The following HECW1 variants were observed in gnomAD, a reference collection of about 807,000 sequenced individuals.
The protein encoded by HECW1 is E3 ubiquitin-protein ligase HECW1.
A neutral mutation model predicts 182.3 loss-of-function variants in HECW1; 61 were observed. That is an observed-to-expected ratio of 0.33 (90% confidence interval 0.27 to 0.41). The LOEUF (loss-of-function observed/expected upper bound fraction) is 0.41. Among genes scored for constraint, HECW1 ranks in the 10% least tolerant of loss-of-function variants. The pLI, the probability that HECW1 is intolerant of heterozygous loss-of-function variation, is 1.00. For missense variants in HECW1, 1,739 were observed against 2,108.9 expected (o/e 0.82, Z 3.44); for synonymous variants, 859 against 832.6 (o/e 1.03, Z -0.55).
intron 5 of HECW1, among the ~76,000 whole-genome samples, chr7:43,339,374 C>T (rs1236353480): frequency 6.6e-6 from 1 of 152,188 alleles, no homozygotes; most frequent in African/African-American, 2.4e-5. Context: ...CCTCTTTCTG[C>T]TCTACCTGAT....
intron 2 of HECW1, among the ~76,000 whole-genome samples, chr7:43,192,429 AT>A (rs1217962521): frequency 1.3e-5 from 2 of 152,212 alleles, no homozygotes; most frequent in Admixed American, 6.5e-5. Flanking sequence ...GTGCCAAATT[AT>A]TATTACTTTC....
In HECW1 at chr7:43,444,699, G is replaced by T. The variant is rs375038744; in HGVS notation, c.1527G>T (p.Glu509Asp). Reference sequence around the variant, plus strand: ...AAGAGGAGAAGGAGCAGGAGGAGGAGGGAGATGTGTCTACCCTGGAGCAGG... The same window carrying T: ...AAGAGGAGAAGGAGCAGGAGGAGGATGGAGATGTGTCTACCCTGGAGCAGG... ...REEEEKEQEE[E>D]GDVSTLEQGE... Residue 509 changes from glutamate to aspartate, a missense_variant, in exon 11 of 30, where the codon GAG (glutamate) becomes GAT (aspartate). This residue lies in a region of HECW1 where 971 missense variants were observed against 1,029.1 expected (regional missense o/e 0.94). Transcript: ENST00000395891. This position sits in a 1 kb window ranked among gnomAD's most constrained non-coding sequence, Gnocchi z 4.3. The T allele has an allele frequency of 6.2e-7, 1 of 1,609,028 alleles. No homozygotes were observed. The highest frequency in any genetic ancestry group is 1.1e-5 in the South Asian group (1 of 90,426).
intron 2 of HECW1, among the ~76,000 whole-genome samples, chr7:43,240,293 T>C (rs530222355): frequency 5.5e-4 from 84 of 152,118 alleles, no homozygotes; most frequent in Middle Eastern, 3.4e-3. Context: ...AGCCGAGATC[T>C]GGCCACTACA....
rs2079663862 is a variant in HECW1, at chr7:43,508,028, C to T, written c.3763C>T (p.Arg1255Cys). ...QGPGKIKLIIRRDHLLEGTFN... is the reference protein window; with the variant it reads ...QGPGKIKLIICRDHLLEGTFN... Reference sequence around the variant, plus strand: ...CCTTCTCCTTCTCAGGCTCATTATTCGCCGGGATCATTTGTTGGAGGGAAC... The same window carrying T: ...CCTTCTCCTTCTCAGGCTCATTATTTGCCGGGATCATTTGTTGGAGGGAAC... Residue 1255 changes from arginine to cysteine, a missense_variant, in exon 23 of 30, where the codon CGC (arginine) becomes TGC (cysteine). By Grantham distance (180) the Arg-to-Cys change is radical. Around this residue, in one of 5 missense-constraint regions of HECW1, gnomAD observed 420 missense variants for 595.7 expected, o/e 0.71. Transcript: ENST00000395891. 3 of 1,613,264 alleles carry T rather than the reference C, an allele frequency of 1.9e-6. No individual in the cohort carries two copies. Among genetic ancestry groups the T allele is most frequent in the East Asian group, 2.2e-5 (1 of 44,858 alleles).
chr7:43,268,431 G>A (rs938975533), intron 3 of HECW1, among the ~76,000 whole-genome samples: 1 of 152,168 alleles, frequency 6.6e-6, no homozygotes, highest in African/African-American at 2.4e-5. Flanking sequence ...CTCACCTGGG[G>A]GTGATTTTGT....
chr7:43,359,574 A>G (rs779553924), intron 5 of HECW1, among the ~76,000 whole-genome samples: 12 of 152,132 alleles, frequency 7.9e-5, no homozygotes, highest in Non-Finnish European at 1.6e-4. Context: ...TGCTTATTTC[A>G]TAATGTCAAT....
At chr7:43,488,320 GAAAGAGGAAGGA>G (rs1446494295) in intron 17 of HECW1, among the ~76,000 whole-genome samples, 36 of 113,572 alleles carry the variant, frequency 3.2e-4, no homozygotes, top group African/African-American at 1.2e-3. Context: ...AAAAAAGAAA[GAAAGAGGAAGGA>G]AGGAAGGAAG....
At chr7:43,336,144 TTCTCTCTCTCTCTCTCTCTCTC>T (rs768468130) in intron 5 of HECW1, among the ~76,000 whole-genome samples, 20 of 51,980 alleles carry the variant, frequency 3.8e-4, no homozygotes, top group African/African-American at 1.2e-3. Flanking sequence ...CTCTCTCTCT[TTCTCTCTCTCTCTCTCTCTCTC>T]TCTCTCTCTC....
Position 43,318,524 on chromosome 7 carries a change from G to C in HECW1, c.353-2111G>C, listed in dbSNP as rs150142770. Among the ~76,000 whole-genome samples the C allele has an allele frequency of 2.0e-5, 3 of 152,318 alleles. No individual in the cohort carries two copies. The East Asian group carries it at 5.8e-4, about 29-fold the overall frequency. Reference sequence around the variant, plus strand: ...TGCCAGAGAAGGGGCAGCCTAAAATGTGCAATCCACATAGCAGATTACAAG... The same window carrying C: ...TGCCAGAGAAGGGGCAGCCTAAAATCTGCAATCCACATAGCAGATTACAAG... On this transcript the variant is annotated intron_variant, in intron 4 of 29. Transcript: ENST00000395891.
At chr7:43,412,325 A>T (rs919863488) in intron 8 of HECW1, among the ~76,000 whole-genome samples, 12 of 152,032 alleles carry the variant, frequency 7.9e-5, no homozygotes, top group Non-Finnish European at 1.3e-4. Flanking sequence ...GATGTTAAAA[A>T]TTTTTGCTTT....
chr7:43,268,965 A>G (rs1260253483), intron 3 of HECW1, among the ~76,000 whole-genome samples: 1 of 151,948 alleles, frequency 6.6e-6, no homozygotes, highest in Admixed American at 6.6e-5. Context: ...TATTTTTTGT[A>G]GAGATGGGGT....
At chr7:43,399,694 G>C (rs2075342548) in intron 7 of HECW1, among the ~76,000 whole-genome samples, 1 of 152,166 alleles carries the variant, frequency 6.6e-6, no homozygotes, top group Non-Finnish European at 1.5e-5. Context: ...GGTTCACAAA[G>C]CTACTTTATA....
At chr7:43,213,420 A>G (rs1796163040) in intron 2 of HECW1, among the ~76,000 whole-genome samples, 1 of 150,688 alleles carries the variant, frequency 6.6e-6, no homozygotes, top group Admixed American at 6.6e-5. Flanking sequence ...TTTAACACTT[A>G]GAGCTGGTGA....
chr7:43,370,401 G>A (rs1817186502), intron 6 of HECW1, among the ~76,000 whole-genome samples: 1 of 152,168 alleles, frequency 6.6e-6, no homozygotes, highest in African/African-American at 2.4e-5. Flanking sequence ...CATTGCTGGT[G>A]GAAATGCAAA....
chr7:43,344,036 T>C (rs1349356153), intron 5 of HECW1, among the ~76,000 whole-genome samples: 3 of 151,916 alleles, frequency 2.0e-5, no homozygotes, highest in Non-Finnish European at 4.4e-5. Flanking sequence ...CGTGTGTCTG[T>C]TGGCTGCATA....
intron 2 of HECW1, among the ~76,000 whole-genome samples, chr7:43,172,156 G>T (rs1791759530): frequency 6.6e-6 from 1 of 151,340 alleles, no homozygotes; most frequent in Non-Finnish European, 1.5e-5. Context: ...CACAATGGTG[G>T]GGGTGGGGGG....
chr7:43,292,176 G>T (rs1281739768), intron 3 of HECW1, among the ~76,000 whole-genome samples: 1 of 152,184 alleles, frequency 6.6e-6, no homozygotes, highest in Non-Finnish European at 1.5e-5. Flanking sequence ...TGCCAAAGAG[G>T]CATATTTTGG....
chr7:43,201,937 G>C (rs1795049650), intron 2 of HECW1, among the ~76,000 whole-genome samples: 1 of 152,178 alleles, frequency 6.6e-6, no homozygotes, highest in Admixed American at 6.5e-5. Flanking sequence ...CTCTGGGGTA[G>C]AATCAAAGTC....
intron 2 of HECW1, among the ~76,000 whole-genome samples, chr7:43,133,109 T>C (rs1414012417): frequency 6.6e-6 from 1 of 152,098 alleles, no homozygotes; most frequent in Non-Finnish European, 1.5e-5. Context: ...TCAATTACAT[T>C]AATAAGTTTC....
Sources: allele counts gnomAD v4.1 joint callset (sites outside exome capture counted in the v4.1 genomes callset), GRCh38; gene constraint gnomAD v4.1.1; regional missense constraint gnomAD v4.1.1; non-coding constraint Gnocchi (gnomAD v3.1); transcripts MANE v1.5; gene names NCBI Gene and HGNC (gene_info 2026-07-23, HGNC 2026-07-21).